Variants in ADK observed in about 807,000 individuals in gnomAD.
ADK encodes the protein adenosine kinase.
ADK carries 24 observed loss-of-function variants against 44.7 expected under a neutral mutation model. The ratio of observed to expected loss-of-function variants is 0.54; its 90% CI spans 0.39 to 0.76. The LOEUF (loss-of-function observed/expected upper bound fraction) is 0.76, where lower values mean the gene tolerates loss of function less well. Among genes scored for constraint, ADK ranks in the 30% least tolerant of loss-of-function variants. The pLI, the probability that ADK is intolerant of heterozygous loss-of-function variation, is 0.00. For synonymous variants in ADK, 128 were observed against 142.6 expected (o/e 0.90, Z 0.73); for missense variants, 321 against 425.1 (o/e 0.76, Z 2.15).
Position 74,346,828 on chromosome 10 carries a change from G to A in ADK, c.273+32083G>A, listed in dbSNP as rs150498176. ...GTGAAGAGAAAAACCATTTATTTTC[G>A]ATACTTAAGATGGCTGAGCCTGTAA... On this transcript the variant is annotated intron_variant, in intron 4 of 10. Transcript: ENST00000539909. Among the ~76,000 whole-genome samples the A allele has an allele frequency of 5.7e-4, 86 of 152,104 alleles. 1 individual carries two copies. The East Asian group carries it at 6.8e-3, about 12-fold the overall frequency.
intron 6 of ADK, among the ~76,000 whole-genome samples, chr10:74,524,594 T>C (rs912318708): frequency 1.3e-5 from 2 of 152,200 alleles, no homozygotes; most frequent in African/African-American, 2.4e-5. Context: ...AGTTCCGCCA[T>C]GTTGCCCAAG....
intron 5 of ADK, among the ~76,000 whole-genome samples, chr10:74,397,195 T>C (rs1843548961): frequency 6.6e-6 from 1 of 152,036 alleles, no homozygotes; most frequent in African/African-American, 2.4e-5. Context: ...AATATGTTGA[T>C]GCATATTACT....
chr10:74,465,817 A>G (rs972101456), intron 6 of ADK, among the ~76,000 whole-genome samples: 1 of 152,168 alleles, frequency 6.6e-6, no homozygotes, highest in Non-Finnish European at 1.5e-5. Flanking sequence ...TCTTGGTCTC[A>G]TAGTTTAGCA....
intron 1 of ADK, among the ~76,000 whole-genome samples, chr10:74,185,511 C>T (rs1245194881): frequency 2.1e-5 from 3 of 142,758 alleles, no homozygotes; most frequent in Admixed American, 7.4e-5. Flanking sequence ...AAAAAAATGC[C>T]AACAATATAA....
At chr10:74,485,113 A>G (rs1847218991) in intron 6 of ADK, among the ~76,000 whole-genome samples, 1 of 152,180 alleles carries the variant, frequency 6.6e-6, no homozygotes, top group Admixed American at 6.5e-5. Context: ...TGAGTAGGAG[A>G]AGACATGTGT....
chr10:74,378,266 AAAAG>A (rs1842874184), intron 4 of ADK, among the ~76,000 whole-genome samples: 1 of 152,156 alleles, frequency 6.6e-6, no homozygotes, highest in Non-Finnish European at 1.5e-5. Flanking sequence ...CTGTTTCAAA[AAAAG>A]AAAGCAGATG....
At chr10:74,464,840 A>AAAAAGAGAGAGG (rs74394977) in intron 6 of ADK, among the ~76,000 whole-genome samples, 1 of 28,340 alleles carries the variant, frequency 3.5e-5, no homozygotes, top group Non-Finnish European at 2.2e-4. Context: ...TATTTAAGAA[A>AAAAAGAGAGAGG]AAAAGAGAGA....
chr10:74,383,910 C>T (rs1843057253), intron 4 of ADK, among the ~76,000 whole-genome samples: 1 of 152,146 alleles, frequency 6.6e-6, no homozygotes, highest in Admixed American at 6.5e-5. Context: ...ACCTGCTGTT[C>T]TCAAATTCCT....
At chr10:74,226,003 T>C in intron 3 of ADK, among the ~76,000 whole-genome samples, 1 of 152,244 alleles carries the variant, frequency 6.6e-6, no homozygotes, top group East Asian at 1.9e-4. Context: ...TTATTTAATA[T>C]GTAACCCATT....
intron 8 of ADK, among the ~76,000 whole-genome samples, chr10:74,596,711 A>G (rs1044931849): frequency 6.6e-6 from 1 of 151,970 alleles, no homozygotes; most frequent in African/African-American, 2.4e-5. Flanking sequence ...ACACCTAGCA[A>G]ATTTTTGTAT....
chr10:74,271,659 G>A (rs188799394), intron 3 of ADK, among the ~76,000 whole-genome samples: 1 of 141,032 alleles, frequency 7.1e-6, no homozygotes, highest in Non-Finnish European at 1.5e-5. Flanking sequence ...GAGAACATGC[G>A]GTGTTTGGTT....
intron 6 of ADK, among the ~76,000 whole-genome samples, chr10:74,412,687 T>C (rs530810205): frequency 3.9e-5 from 6 of 152,320 alleles, no homozygotes; most frequent in South Asian, 2.1e-4. Context: ...GGTTACCAGA[T>C]GCATTGTTAA....
intron 9 of ADK, among the ~76,000 whole-genome samples, chr10:74,616,421 T>C (rs1460195890): frequency 6.6e-6 from 1 of 152,078 alleles, no homozygotes; most frequent in Non-Finnish European, 1.5e-5. Context: ...ATAGGGAGAA[T>C]GATTCATTTA....
intron 3 of ADK, among the ~76,000 whole-genome samples, chr10:74,293,073 G>A (rs1398359934): frequency 6.7e-6 from 1 of 149,904 alleles, no homozygotes; most frequent in Non-Finnish European, 1.5e-5. Context: ...GGCTGAGGCA[G>A]GAAGATTGAT....
intron 4 of ADK, among the ~76,000 whole-genome samples, chr10:74,347,106 CAAAAAAAAAAAAAAAAAAAAAAA>C (rs58074760): frequency 2.3e-4 from 21 of 92,284 alleles, no homozygotes; most frequent in South Asian, 3.8e-4. Flanking sequence ...CACTCTGTCT[CAAAAAAAAAAAAAAAAAAAAAAA>C]AAAAAAAAAA....
rs536355542 is a variant in ADK, at chr10:74,655,469, C to T, written c.878-14714C>T. Reference sequence around the variant, plus strand: ...TGACCCTGGGCTGAGGAATGACACTCGCAACATGCCTGTGCAGCTGCCACT... The same window carrying T: ...TGACCCTGGGCTGAGGAATGACACTTGCAACATGCCTGTGCAGCTGCCACT... On this transcript the variant is annotated intron_variant, in intron 9 of 10. Transcript: ENST00000539909. The T allele has an allele frequency of 1.3e-5, 6 of 464,450 alleles. No individual in the cohort carries two copies. The East Asian group carries it at 2.3e-4, about 18-fold the overall frequency. The allele number at this position is 464,450 out of a possible 1,614,324, so 28.8% of individuals were successfully genotyped here.
intron 6 of ADK, among the ~76,000 whole-genome samples, chr10:74,409,114 GTTTTGTAATT>G (rs1844070507): frequency 2.0e-5 from 3 of 152,136 alleles, no homozygotes; most frequent in Admixed American, 2.0e-4. Flanking sequence ...GTAATTACTA[GTTTTGTAATT>G]TTTTGTAATT....
At chr10:74,468,993 GAGAT>G (rs1483750028) in intron 6 of ADK, among the ~76,000 whole-genome samples, 1 of 152,012 alleles carries the variant, frequency 6.6e-6, no homozygotes, top group Non-Finnish European at 1.5e-5. Flanking sequence ...GTGAGAGAGA[GAGAT>G]CTAGTTGTGT....
At chr10:74,441,556 A>C (rs1845407220) in intron 6 of ADK, among the ~76,000 whole-genome samples, 1 of 152,202 alleles carries the variant, frequency 6.6e-6, no homozygotes, top group South Asian at 2.1e-4. Context: ...GAGACACAAA[A>C]ATGAACTCAA....
Sources: gnomAD v4.1 joint callset for allele counts (sites outside exome capture counted in the v4.1 genomes callset) on GRCh38, gnomAD v4.1.1 for gene constraint, MANE v1.5 for transcripts, NCBI Gene and HGNC (gene_info 2026-07-23, HGNC 2026-07-21) for gene names.